SH2D4B: variants seen among roughly 807,000 people sequenced by gnomAD.
SH2D4B encodes SH2 domain-containing protein 4B.
A neutral mutation model predicts 61.5 loss-of-function variants in SH2D4B; 45 were observed. That is an observed-to-expected ratio of 0.73 (90% CI 0.58 to 0.94). SH2D4B has a LOEUF of 0.94. Ranked by LOEUF, SH2D4B falls within the 40% of genes least tolerant of loss-of-function variation. The pLI, the probability that SH2D4B is intolerant of heterozygous loss-of-function variation, is 0.00. For missense variants in SH2D4B, 572 were observed against 574.2 expected, an observed-to-expected ratio of 1.00 and a Z score of 0.04; for synonymous variants, 224 against 220.4, an observed-to-expected ratio of 1.02 and a Z score of -0.14.
intron 1 of SH2D4B, among the ~76,000 whole-genome samples, chr10:80,555,002 C>CAAAAA (rs35160548): frequency 4.7e-5 from 3 of 63,660 alleles, no homozygotes; most frequent in African/African-American, 7.4e-5. Context: ...AGGCGAGTCT[C>CAAAAA]AAAAAAAAAA....
intron 1 of SH2D4B, among the ~76,000 whole-genome samples, chr10:80,568,348 G>C (rs532284326): frequency 6.6e-6 from 1 of 152,330 alleles, no homozygotes; most frequent in South Asian, 2.1e-4. Context: ...AGTGGGCAGA[G>C]GTGTTGCAGG....
At position 80,603,745 on chromosome 10, in the gene SH2D4B, C is replaced by T. The variant is rs367739468; in HGVS notation, c.810C>T (p.Tyr270=). 200 of 1,613,074 alleles carry T rather than the reference C, an allele frequency of 1.2e-4. No individual in the cohort carries two copies. The highest frequency in any genetic ancestry group is 1.6e-4 in the Non-Finnish European group (189 of 1,179,942). Residue 270 remains tyrosine (Y), a synonymous_variant, in exon 5 of 8, where the codon TAC becomes TAT. Coordinates refer to ENST00000646907, the MANE Select transcript of SH2D4B (RefSeq NM_001388272.1). The part of the protein sequence containing the change: ...GQSHEQEARL[Y]HHLPDPGLPQ... ...GCCATGAGCAGGAGGCAAGACTCTA[C>T]CACCACCTCCCCGACCCGGGTCTGC... is the stretch of plus-strand genomic sequence containing the variant.
chr10:80,571,974 G>A (rs561255659), intron 3 of SH2D4B, among the ~76,000 whole-genome samples: 3 of 151,914 alleles, frequency 2.0e-5, no homozygotes, highest in African/African-American at 4.8e-5. Context: ...GGGTTTCACC[G>A]TGTTAGCCAG....
intron 4 of SH2D4B, among the ~76,000 whole-genome samples, chr10:80,598,938 C>A (rs1461312692): frequency 1.3e-5 from 2 of 152,100 alleles, no homozygotes; most frequent in African/African-American, 4.8e-5. Context: ...GTAAGCAGGA[C>A]TTTGGAGTTG....
intron 6 of SH2D4B, among the ~76,000 whole-genome samples, chr10:80,614,005 T>C (rs1842631829): frequency 1.3e-5 from 2 of 152,140 alleles, no homozygotes; most frequent in Admixed American, 1.3e-4. Context: ...ACTTCGGGAA[T>C]GTTTATCTTG....
At chr10:80,621,007 T>A (rs12774388) in intron 6 of SH2D4B, among the ~76,000 whole-genome samples, 1 of 152,176 alleles carries the variant, frequency 6.6e-6, no homozygotes, top group African/African-American at 2.4e-5. Context: ...AATAAACTCT[T>A]ATGGAAACTA....
chr10:80,565,527 C>A (rs1411427678), intron 1 of SH2D4B, among the ~76,000 whole-genome samples: 1 of 152,114 alleles, frequency 6.6e-6, no homozygotes, highest in East Asian at 1.9e-4. Context: ...TCCCTGCTAG[C>A]TGGGACTAGA....
chr10:80,621,050 G>A (rs527399080), intron 6 of SH2D4B, among the ~76,000 whole-genome samples: 7 of 152,304 alleles, frequency 4.6e-5, no homozygotes, highest in African/African-American at 1.7e-4. Context: ...ATACACTACA[G>A]TTTTCTTGTT....
At chr10:80,595,022 G>A (rs1030137731) in intron 4 of SH2D4B, among the ~76,000 whole-genome samples, 20 of 149,016 alleles carry the variant, frequency 1.3e-4, no homozygotes, top group Middle Eastern at 3.5e-3. Context: ...ACCAAACAGC[G>A]TCTAAAAAAA....
chr10:80,617,302 T>G (rs1842671580), intron 6 of SH2D4B, among the ~76,000 whole-genome samples: 1 of 152,200 alleles, frequency 6.6e-6, no homozygotes, highest in Non-Finnish European at 1.5e-5. Flanking sequence ...CCTGCCTTAC[T>G]GCTAACCAGG....
intron 7 of SH2D4B, among the ~76,000 whole-genome samples, chr10:80,641,742 G>C (rs1170061453): frequency 6.6e-6 from 1 of 152,232 alleles, no homozygotes; most frequent in Admixed American, 6.5e-5. Flanking sequence ...ACAGATTCCA[G>C]AGAAAGGCTA....
intron 1 of SH2D4B, among the ~76,000 whole-genome samples, chr10:80,540,292 G>A (rs2132098607): frequency 6.6e-6 from 1 of 152,272 alleles, no homozygotes; most frequent in South Asian, 2.1e-4. Context: ...GGAACTGTCT[G>A]GGCATGCCAC....
intron 1 of SH2D4B, among the ~76,000 whole-genome samples, chr10:80,543,666 A>C (rs1841619063): frequency 6.6e-6 from 1 of 152,202 alleles, no homozygotes; most frequent in Admixed American, 6.5e-5. Flanking sequence ...GGGTGAAGCC[A>C]GCTGGGCTCC....
At position 80,538,385 on chromosome 10, in the gene SH2D4B, G is replaced by T; in HGVS notation, c.54G>T (p.Glu18Asp). The T allele has an allele frequency of 7.0e-7, 1 of 1,435,500 alleles. No individual in the cohort carries two copies. The highest frequency in any genetic ancestry group is 9.2e-7 in the Non-Finnish European group (1 of 1,090,512). 88.9% of individuals were successfully genotyped at this position (1,435,500 alleles called of 1,614,324 possible). ...DMYIDPELLA[E>D]LSDVQKHILF... ...ACATCGACCCCGAGCTCCTTGCCGAGCTCAGCGATGTGCAGAAGCACATCC... is the reference window on the plus strand; with the variant it reads ...ACATCGACCCCGAGCTCCTTGCCGATCTCAGCGATGTGCAGAAGCACATCC... Residue 18 changes from glutamate to aspartate, a missense_variant, in exon 1 of 8, where the codon GAG becomes GAT. Glu to Asp is a conservative substitution (Grantham distance 45, BLOSUM62 2). Coordinates refer to ENST00000646907, the MANE Select transcript of SH2D4B (RefSeq NM_001388272.1). The surrounding 1 kb of genome is among the most constrained non-coding windows in gnomAD (Gnocchi z 4.8).
chr10:80,537,969 G>T lies in SH2D4B; in HGVS notation c.-363G>T, dbSNP rs1841526403. The stretch of plus-strand genomic sequence containing the variant: ...GACTGGGCATTTCCTGGCTGAGCTG[G>T]AGGCTTGGGCCCTTCCCATTGTCTC... On this transcript the variant is annotated 5_prime_UTR_variant, in exon 1 of 8. Transcript: ENST00000646907. 1 of 156,956 alleles carries T rather than the reference G, an allele frequency of 6.4e-6. No homozygotes were observed. Among genetic ancestry groups the T allele is most frequent in the Admixed American group, 6.5e-5 (1 of 15,412 alleles). 9.7% of individuals were successfully genotyped at this position (156,956 alleles called of 1,614,324 possible).
At chr10:80,617,465 G>A (rs940532558) in intron 6 of SH2D4B, among the ~76,000 whole-genome samples, 1 of 152,214 alleles carries the variant, frequency 6.6e-6, no homozygotes, top group Non-Finnish European at 1.5e-5. Flanking sequence ...CTAGACAGGG[G>A]CAAGAGAAGA....
intron 1 of SH2D4B, among the ~76,000 whole-genome samples, chr10:80,541,142 G>A (rs1841573217): frequency 1.3e-5 from 2 of 152,184 alleles, no homozygotes; most frequent in Admixed American, 6.5e-5. Context: ...TTTAATTAGG[G>A]GATGGAACAA....
At chr10:80,550,850 A>G (rs1841750883) in intron 1 of SH2D4B, among the ~76,000 whole-genome samples, 1 of 152,176 alleles carries the variant, frequency 6.6e-6, no homozygotes, top group South Asian at 2.1e-4. Context: ...CTGCCACAAC[A>G]TAGGAAGCTT....
chr10:80,610,533 GC>G (rs1842584045), intron 6 of SH2D4B, among the ~76,000 whole-genome samples: 1 of 152,192 alleles, frequency 6.6e-6, no homozygotes, highest in African/African-American at 2.4e-5. Flanking sequence ...GGTCAGATGA[GC>G]CTTCCCAGGT....
Sources: allele counts gnomAD v4.1 joint callset (sites outside exome capture counted in the v4.1 genomes callset), GRCh38; gene constraint gnomAD v4.1.1; non-coding constraint Gnocchi (gnomAD v3.1); transcripts MANE v1.5; gene names NCBI Gene and HGNC (gene_info 2026-07-23, HGNC 2026-07-21).